Variants in RAD51B observed in about 807,000 individuals in gnomAD.
RAD51B encodes the protein RAD51 paralog B.
In RAD51B, 38 loss-of-function variants were observed where a neutral mutation model predicts 42.2. The observed-to-expected ratio is 0.90, with a 90% CI of 0.70 to 1.18. RAD51B has a LOEUF of 1.18. Among genes scored for constraint, RAD51B ranks in the 50% most tolerant of loss-of-function variants. The pLI, the probability that RAD51B is intolerant of heterozygous loss-of-function variation, is 0.00. For missense variants in RAD51B, 373 were observed against 400.7 expected, an observed-to-expected ratio of 0.93 and a Z score of 0.59; for synonymous variants, 154 against 145.2, an observed-to-expected ratio of 1.06 and a Z score of -0.43.
rs546347177 is a variant in RAD51B, at chr14:68,163,910, T to C, written c.757-127974T>C. ...ACAGTAATATTTATTTATGAAAAAG[T>C]TGAAAAAATACTGTAATAAATGGTG... is the stretch of plus-strand genomic sequence containing the variant. On this transcript the variant is annotated intron_variant, in intron 7 of 10. Transcript: ENST00000471583. 2.0e-5 allele frequency among the ~76,000 whole-genome samples: 3 copies of C among 152,332 alleles called. 1 individual carries two copies. The highest frequency in any genetic ancestry group is 7.2e-5 in the African/African-American group (3 of 41,568).
intron 7 of RAD51B, among the ~76,000 whole-genome samples, chr14:68,221,779 A>T (rs1008876638): frequency 3.3e-5 from 5 of 152,242 alleles, no homozygotes; most frequent in Non-Finnish European, 5.9e-5. Context: ...ATCTTTACAA[A>T]ATCTATACAT....
chr14:67,877,917 C>T (rs7159184), intron 5 of RAD51B, among the ~76,000 whole-genome samples: 38,884 of 152,022 alleles, frequency 0.26, 5,825 homozygotes, highest in Middle Eastern at 0.37. Flanking sequence ...CTCCTGCTTC[C>T]GCCTCCCAAA....
chr14:68,668,405 G>A (rs73278110), intron 11 of RAD51B, among the ~76,000 whole-genome samples: 2,646 of 152,272 alleles, frequency 0.017, 62 homozygotes, highest in African/African-American at 0.048. Flanking sequence ...CGAAAACCAC[G>A]CATTCCACTC....
intron 7 of RAD51B, among the ~76,000 whole-genome samples, chr14:67,966,553 T>G (rs999360387): frequency 6.6e-6 from 1 of 152,250 alleles, no homozygotes; most frequent in Non-Finnish European, 1.5e-5. Flanking sequence ...CAATCCCAGC[T>G]GCCTACCCAC....
intron 8 of RAD51B, among the ~76,000 whole-genome samples, chr14:68,326,873 A>G (rs1427113372): frequency 6.6e-6 from 1 of 151,976 alleles, no homozygotes; most frequent in Non-Finnish European, 1.5e-5. Flanking sequence ...TTCTGGAAGC[A>G]AGGAGATAGA....
chr14:67,934,086 C>G (rs2044842129), intron 7 of RAD51B, among the ~76,000 whole-genome samples: 1 of 152,218 alleles, frequency 6.6e-6, no homozygotes, highest in South Asian at 2.1e-4. Flanking sequence ...TTAGACCAAG[C>G]TGGCACCACA....
chr14:68,035,260 G>A (rs1022468305), intron 7 of RAD51B, among the ~76,000 whole-genome samples: 7 of 152,170 alleles, frequency 4.6e-5, no homozygotes, highest in South Asian at 2.1e-4. Context: ...CAGGATGTTC[G>A]TTTTACAGTG....
At chr14:68,269,531 C>T (rs1284505215) in intron 7 of RAD51B, among the ~76,000 whole-genome samples, 1 of 152,216 alleles carries the variant, frequency 6.6e-6, no homozygotes, top group Non-Finnish European at 1.5e-5. Context: ...GCCTGAATGT[C>T]CTGTCTCAGA....
chr14:68,093,616 G>T (rs533295402), intron 7 of RAD51B, among the ~76,000 whole-genome samples: 1 of 151,728 alleles, frequency 6.6e-6, no homozygotes, highest in East Asian at 1.9e-4. Flanking sequence ...TCTTGCTAGC[G>T]GTCTATCAAT....
intron 8 of RAD51B, among the ~76,000 whole-genome samples, chr14:68,334,600 A>C (rs2082409598): frequency 6.6e-6 from 1 of 152,128 alleles, no homozygotes; most frequent in South Asian, 2.1e-4. Flanking sequence ...TGTGTTGTTC[A>C]AGCATCAGCT....
chr14:68,539,594 T>C (rs946428793), intron 10 of RAD51B, among the ~76,000 whole-genome samples: 4 of 152,332 alleles, frequency 2.6e-5, no homozygotes, highest in Middle Eastern at 3.4e-3. Flanking sequence ...AAGGACATGC[T>C]GAGCTCAGAT....
At chr14:68,642,965 G>A (rs903173895) in intron 10 of RAD51B, among the ~76,000 whole-genome samples, 2 of 145,870 alleles carry the variant, frequency 1.4e-5, no homozygotes, top group Admixed American at 1.4e-4. Flanking sequence ...AGAAAACATT[G>A]TATGATTTCT....
intron 7 of RAD51B, among the ~76,000 whole-genome samples, chr14:68,075,733 G>C (rs2076822428): frequency 6.6e-6 from 1 of 152,006 alleles, no homozygotes; most frequent in Admixed American, 6.5e-5. Flanking sequence ...TAGCTGCTTT[G>C]TGGGTCTGAG....
At chr14:68,400,013 T>C (rs1033886129) in intron 8 of RAD51B, among the ~76,000 whole-genome samples, 2 of 152,220 alleles carry the variant, frequency 1.3e-5, no homozygotes, top group Non-Finnish European at 2.9e-5. Flanking sequence ...TTCTTTTCTC[T>C]TCTGTTCTTA....
In RAD51B at chr14:67,944,752, A is replaced by G. The variant is rs1260395178; in HGVS notation, c.756+57548A>G. Among the ~76,000 whole-genome samples the G allele has an allele frequency of 2.6e-5, 4 of 152,152 alleles. 1 individual carries two copies. Among genetic ancestry groups the G allele is most frequent in the Admixed American group, 2.6e-4 (4 of 15,274 alleles). On this transcript the variant is annotated intron_variant, in intron 7 of 10. Transcript: ENST00000471583. ...TAGTTGCTGCAAGAGTTTCGCCAGC[A>G]TATTAAAGTTGTATTTTTTGAGCAC...
intron 10 of RAD51B, among the ~76,000 whole-genome samples, chr14:68,624,618 A>ATTC (rs899579545): frequency 6.6e-6 from 1 of 151,994 alleles, no homozygotes; most frequent in Non-Finnish European, 1.5e-5. Context: ...GACTGGCCAG[A>ATTC]GGGAAGCCCA....
intron 10 of RAD51B, among the ~76,000 whole-genome samples, chr14:68,555,623 A>G (rs760368701): frequency 1.3e-5 from 2 of 152,208 alleles, no homozygotes; most frequent in Admixed American, 6.5e-5. Context: ...ACTGACAGCC[A>G]TGGGGTTGCA....
intron 7 of RAD51B, among the ~76,000 whole-genome samples, chr14:68,093,231 G>T (rs1042597412): frequency 5.8e-4 from 89 of 152,178 alleles, no homozygotes; most frequent in African/African-American, 2.0e-3. Flanking sequence ...AGTTAGGGAG[G>T]ATTCCCTCTT....
At chr14:68,101,138 A>T (rs997707891) in intron 7 of RAD51B, among the ~76,000 whole-genome samples, 1 of 152,040 alleles carries the variant, frequency 6.6e-6, no homozygotes, top group East Asian at 1.9e-4. Context: ...TGTTGTAACC[A>T]CCTCCAAGAT....
Sources: gnomAD v4.1 joint callset for allele counts (sites outside exome capture counted in the v4.1 genomes callset) on GRCh38, gnomAD v4.1.1 for gene constraint, MANE v1.5 for transcripts, NCBI Gene and HGNC (gene_info 2026-07-23, HGNC 2026-07-21) for gene names.